Variants in SCN8A observed in about 807,000 individuals in gnomAD.
SCN8A encodes sodium channel protein type 8 subunit alpha.
A neutral mutation model predicts 184.1 loss-of-function variants in SCN8A; 30 were observed. That is an observed-to-expected ratio of 0.16 (90% CI 0.12 to 0.22). The LOEUF (loss-of-function observed/expected upper bound fraction) is 0.22. Ranked by LOEUF, SCN8A falls within the 10% of genes least tolerant of loss-of-function variation. The pLI is 1.00. For synonymous variants in SCN8A, 852 were observed against 907.0 expected (o/e 0.94, Z 1.09); for missense variants, 1,057 against 2,498.9 (o/e 0.42, Z 12.30).
intron 1 of SCN8A, among the ~76,000 whole-genome samples, chr12:51,612,981 C>A (rs1368484036): frequency 1.3e-5 from 2 of 152,266 alleles, no homozygotes; most frequent in African/African-American, 4.8e-5. Flanking sequence ...CCCTGCCTCC[C>A]AAAGTGCTGA....
At chr12:51,771,729 G>A (rs1464242195) in intron 19 of SCN8A, among the ~76,000 whole-genome samples, 1 of 152,188 alleles carries the variant, frequency 6.6e-6, no homozygotes, top group East Asian at 1.9e-4. Context: ...GCCTGCCCCT[G>A]GGCCACTTGT....
At chr12:51,592,391 A>G (rs1939247514) in intron 1 of SCN8A, among the ~76,000 whole-genome samples, 1 of 151,742 alleles carries the variant, frequency 6.6e-6, no homozygotes, top group Non-Finnish European at 1.5e-5. Flanking sequence ...AATGGGAACC[A>G]TTTTTCAGCC....
At chr12:51,630,361 A>G (rs959820606) in intron 1 of SCN8A, among the ~76,000 whole-genome samples, 1 of 152,084 alleles carries the variant, frequency 6.6e-6, no homozygotes, top group African/African-American at 2.4e-5. Context: ...AGAATTACAC[A>G]GTATTTGTCT....
At chr12:51,681,675 A>G (rs1941335963) in intron 2 of SCN8A, among the ~76,000 whole-genome samples, 1 of 152,252 alleles carries the variant, frequency 6.6e-6, no homozygotes, top group Non-Finnish European at 1.5e-5. Context: ...CATTACAGGA[A>G]GAATTTCACT....
intron 1 of SCN8A, among the ~76,000 whole-genome samples, chr12:51,600,122 T>A (rs1939432189): frequency 6.6e-6 from 1 of 152,224 alleles, no homozygotes; most frequent in Non-Finnish European, 1.5e-5. Flanking sequence ...AAAACTTGAA[T>A]CTTCTGAACT....
intron 10 of SCN8A, among the ~76,000 whole-genome samples, chr12:51,706,059 A>G (rs1941778321): frequency 6.6e-6 from 1 of 152,224 alleles, no homozygotes; most frequent in South Asian, 2.1e-4. Flanking sequence ...TTAACACTTA[A>G]CTTTCTCATC....
In SCN8A at chr12:51,762,488, C is replaced by A; in HGVS notation, c.2371-15C>A. 6.2e-7 allele frequency: 1 copy of A among 1,611,182 alleles called. No individual in the cohort carries two copies. The highest frequency in any genetic ancestry group is 8.5e-7 in the Non-Finnish European group (1 of 1,178,398). ...TACTATTTATTTTTCTTACCCCCTG[C>A]ATCCCCCTATTTAGGTTTTCACTGG... On this transcript the variant is annotated splice_polypyrimidine_tract_variant and intron_variant, in intron 14 of 26. Transcript: ENST00000627620.
intron 11 of SCN8A, among the ~76,000 whole-genome samples, chr12:51,711,740 A>AT (rs895115469): frequency 2.1e-5 from 3 of 141,712 alleles, no homozygotes; most frequent in Non-Finnish European, 3.1e-5. Context: ...AAATTTTGAG[A>AT]TTTTTTTCAT....
chr12:51,713,523 TG>T (rs1941915921), intron 11 of SCN8A: 1 of 757,814 alleles, frequency 1.3e-6, no homozygotes, highest in Non-Finnish European at 2.4e-6. Flanking sequence ...CTGGTTCCTT[TG>T]GGTCATGGCC....
At chr12:51,684,349 C>G in intron 3 of SCN8A, 57 bp downstream of exon 3, 1 of 855,296 alleles carries the variant, frequency 1.2e-6, no homozygotes, top group Non-Finnish European at 2.0e-6. Flanking sequence ...GCTTGTTTAC[C>G]TTTCCAATAT....
chr12:51,794,328 G>A (rs1363711749), intron 25 of SCN8A, 43 bp from the exon 26 acceptor site: 5 of 1,574,322 alleles, frequency 3.2e-6, no homozygotes, highest in Admixed American at 3.5e-5. Context: ...GGCTTGGAAA[G>A]GTTTTCATGA....
chr12:51,805,089 A>T (rs1046903940), intron 26 of SCN8A, among the ~76,000 whole-genome samples: 1 of 152,134 alleles, frequency 6.6e-6, no homozygotes, highest in African/African-American at 2.4e-5. Context: ...GGAAAATCAT[A>T]TGTGCACAAA....
chr12:51,628,663 A>G (rs928744363), intron 1 of SCN8A, among the ~76,000 whole-genome samples: 1 of 152,142 alleles, frequency 6.6e-6, no homozygotes, highest in East Asian at 1.9e-4. Flanking sequence ...TGGAAAGAAG[A>G]GTTGAGTATT....
At chr12:51,795,622 G>C (rs1441151726) in intron 26 of SCN8A, among the ~76,000 whole-genome samples, 1 of 152,178 alleles carries the variant, frequency 6.6e-6, no homozygotes, top group Non-Finnish European at 1.5e-5. Flanking sequence ...TTGATATGTG[G>C]AACACTAATC....
chr12:51,631,961 C>T (rs1278091549), intron 1 of SCN8A, among the ~76,000 whole-genome samples: 1 of 152,214 alleles, frequency 6.6e-6, no homozygotes, highest in East Asian at 1.9e-4. Flanking sequence ...CAGCAAGATA[C>T]ATCCCCCCAC....
intron 11 of SCN8A, among the ~76,000 whole-genome samples, chr12:51,709,922 C>T (rs183863399): frequency 1.1e-4 from 17 of 152,126 alleles, no homozygotes; most frequent in Admixed American, 9.2e-4. Flanking sequence ...GGAAGATAAC[C>T]CCTGACAGTT....
chr12:51,712,221 C>G (rs1941890215), intron 11 of SCN8A, among the ~76,000 whole-genome samples: 1 of 152,218 alleles, frequency 6.6e-6, no homozygotes, highest in African/African-American at 2.4e-5. Context: ...CTAATTGACA[C>G]TACATTGCAT....
At chr12:51,734,393 T>G (rs1420319188) in intron 12 of SCN8A, among the ~76,000 whole-genome samples, 1 of 152,242 alleles carries the variant, frequency 6.6e-6, no homozygotes, top group Non-Finnish European at 1.5e-5. Context: ...CTATAGATAT[T>G]GAATTAACTA....
intron 1 of SCN8A, among the ~76,000 whole-genome samples, chr12:51,646,306 G>T (rs561327696): frequency 2.6e-5 from 4 of 152,318 alleles, no homozygotes; most frequent in African/African-American, 9.6e-5. Flanking sequence ...TATTTCAGGC[G>T]TTGTGGGCCA....
Sources: allele counts gnomAD v4.1 joint callset (sites outside exome capture counted in the v4.1 genomes callset), GRCh38; gene constraint gnomAD v4.1.1; transcripts MANE v1.5; gene names NCBI Gene and HGNC (gene_info 2026-07-23, HGNC 2026-07-21).